Variants in NCKAP1L observed in about 807,000 individuals in gnomAD.
NCKAP1L encodes the protein NCK associated protein 1 like.
Under a neutral mutation model 139.2 loss-of-function variants are expected in NCKAP1L, and 53 were observed. The ratio of observed to expected loss-of-function variants is 0.38; its 90% CI spans 0.31 to 0.48. NCKAP1L has a LOEUF of 0.48. NCKAP1L is among the 20% of genes least tolerant of loss of function. The pLI is 0.98. For missense variants in NCKAP1L, 1,151 were observed against 1,381.9 expected (o/e 0.83, Z 2.65); for synonymous variants, 468 against 499.7 (o/e 0.94, Z 0.85).
intron 22 of NCKAP1L, 21 bp from the exon 23 acceptor site, chr12:54,531,239 G>A (rs527270306): frequency 1.9e-6 from 3 of 1,592,312 alleles, no homozygotes; most frequent in South Asian, 1.1e-5. Context: ...CCCATCTGGG[G>A]CCTCTGTAAC....
chr12:54,519,528 T>C (rs1289852754), intron 16 of NCKAP1L, among the ~76,000 whole-genome samples, 196 bp downstream of exon 16: 1 of 149,176 alleles, frequency 6.7e-6, no homozygotes. Context: ...CTCAGCCTCC[T>C]AAGTAGCTGG....
chr12:54,538,667 C>G (rs1015463803), intron 29 of NCKAP1L, among the ~76,000 whole-genome samples: 1 of 152,192 alleles, frequency 6.6e-6, no homozygotes, highest in African/African-American at 2.4e-5. Context: ...TCCTGGCAAC[C>G]TGTTGTCTGC....
chr12:54,499,576 T>C (rs1317231165), intron 2 of NCKAP1L, 111 bp downstream of exon 2: 5 of 640,650 alleles, frequency 7.8e-6, no homozygotes, highest in Non-Finnish European at 5.6e-6. Context: ...GAGTAGTCTT[T>C]TTTTATTAAT....
intron 3 of NCKAP1L, among the ~76,000 whole-genome samples, chr12:54,505,475 C>T (rs1321862671): frequency 6.6e-6 from 1 of 150,754 alleles, no homozygotes; most frequent in Non-Finnish European, 1.5e-5. Flanking sequence ...TCAGCCAATC[C>T]CTACCCTTCA....
chr12:54,541,989 T>A (rs971716855), intron 30 of NCKAP1L, among the ~76,000 whole-genome samples: 1 of 151,906 alleles, frequency 6.6e-6, no homozygotes, highest in Non-Finnish European at 1.5e-5. Flanking sequence ...TCTTGATCTA[T>A]CTTCCTGCTT....
intron 9 of NCKAP1L, 66 bp downstream of exon 9, chr12:54,512,171 C>T: frequency 6.5e-7 from 1 of 1,536,910 alleles, no homozygotes; most frequent in East Asian, 2.3e-5. Context: ...TATCCTTTTT[C>T]AGTCTCCACA....
chr12:54,546,168 G>T lies in NCKAP1L; in HGVS notation c.*3483G>T. The T allele has an allele frequency of 6.6e-6, 1 of 152,368 alleles. No individual in the cohort carries two copies. Among genetic ancestry groups the T allele is most frequent in the South Asian group, 2.1e-4 (1 of 4,836 alleles). 9.4% of individuals were successfully genotyped at this position (152,368 alleles called of 1,614,324 possible). On this transcript the variant is annotated 3_prime_UTR_variant, in exon 31 of 31. Coordinates refer to ENST00000293373, the MANE Select transcript of NCKAP1L (RefSeq NM_005337.5). ...GAGCTAAGGAGGTTAAGACCAGCCT[G>T]GTCAACATGGCGAACTCCGTCTCTA...
intron 3 of NCKAP1L, among the ~76,000 whole-genome samples, chr12:54,505,667 CT>C (rs60187117): frequency 1.0e-4 from 15 of 144,532 alleles, no homozygotes; most frequent in Admixed American, 1.4e-4. Flanking sequence ...CCCGTCCTCC[CT>C]TTTTTTTTTT....
intron 18 of NCKAP1L, among the ~76,000 whole-genome samples, chr12:54,522,285 CAGCCAAAAGGCTGAGAA>C (rs1956990235): frequency 6.6e-6 from 1 of 152,202 alleles, no homozygotes; most frequent in South Asian, 2.1e-4. Context: ...TGCTTAATCT[CAGCCAAAAGGCTGAGAA>C]AGCCAAGAAG....
intron 13 of NCKAP1L, 124 bp downstream of exon 13, chr12:54,518,062 T>C (rs1956948344): frequency 8.7e-7 from 1 of 1,145,586 alleles, no homozygotes; most frequent in Non-Finnish European, 1.3e-6. Context: ...CAATCTAGGC[T>C]GGGCGCGGTG....
At chr12:54,511,644 C>T (rs1956890638) in intron 7 of NCKAP1L, among the ~76,000 whole-genome samples, 159 bp from the exon 8 acceptor site, 1 of 152,218 alleles carries the variant, frequency 6.6e-6, no homozygotes, top group South Asian at 2.1e-4. Context: ...TGGCCTCAAG[C>T]TATCCTCCTG....
At chr12:54,505,844 T>A (rs1956835634) in intron 3 of NCKAP1L, among the ~76,000 whole-genome samples, 1 of 152,098 alleles carries the variant, frequency 6.6e-6, no homozygotes, top group Non-Finnish European at 1.5e-5. Flanking sequence ...GTATTTTTAG[T>A]AGAGACGGGG....
At position 54,528,243 on chromosome 12, in the gene NCKAP1L, G is replaced by A. The variant is rs1372350326; in HGVS notation, c.2376-4G>A. On this transcript the variant is annotated splice_polypyrimidine_tract_variant and splice_region_variant and intron_variant, in intron 21 of 30. Transcript: ENST00000293373. ...AATCTATGTTTTCTTGGCCAACCCTGTAGGTACCTGGAAAGTCTGCTTAGA... is the reference window on the plus strand; with the variant it reads ...AATCTATGTTTTCTTGGCCAACCCTATAGGTACCTGGAAAGTCTGCTTAGA... 9 of 1,613,592 alleles carry A rather than the reference G, an allele frequency of 5.6e-6. No individual in the cohort carries two copies. The highest frequency in any genetic ancestry group is 8.5e-7 in the Non-Finnish European group (1 of 1,179,700).
At chr12:54,498,213 A>T (rs1178101481) in intron 1 of NCKAP1L, among the ~76,000 whole-genome samples, 1 of 152,118 alleles carries the variant, frequency 6.6e-6, no homozygotes, top group Non-Finnish European at 1.5e-5. Context: ...CTGGGGTCCA[A>T]CCTTCTGGGT....
At chr12:54,517,511 A>G (rs772033599) in intron 11 of NCKAP1L, 22 bp from the exon 12 acceptor site, 1 of 1,531,112 alleles carries the variant, frequency 6.5e-7, no homozygotes, top group Admixed American at 1.7e-5. Flanking sequence ...GAAAATTCTA[A>G]TAGTCTCTAC....
In NCKAP1L at chr12:54,535,069, G is replaced by A. The variant is rs774935457; in HGVS notation, c.2863-35G>A. 19 of 1,569,666 alleles carry A rather than the reference G, an allele frequency of 1.2e-5. No homozygotes were observed. In the Admixed American group the frequency reaches 1.9e-4, roughly 16 times the overall value. On this transcript the variant is annotated intron_variant, in intron 26 of 30. Coordinates refer to ENST00000293373, the MANE Select transcript of NCKAP1L (RefSeq NM_005337.5). ...CTTCTGTCAAGCCATTGTGTCCTGC[G>A]AATCCTCTCTAGAATGTTATTTTCT...
rs755208451 is a variant in NCKAP1L at position 54,531,243 on chromosome 12, CTG to C, written c.2507-15_2507-14del. 2.4e-5 allele frequency: 38 copies of C among 1,610,128 alleles called. No individual in the cohort carries two copies. Among genetic ancestry groups the C allele is most frequent in the Non-Finnish European group, 3.1e-5 (37 of 1,176,430 alleles). ...GCCTTCTGAGTCCCATCTGGGGCCTCTGTAACTCTGTTCCAGAGATGCGGGCC... is the reference window on the plus strand; with the variant it reads ...GCCTTCTGAGTCCCATCTGGGGCCTCTAACTCTGTTCCAGAGATGCGGGCC... On this transcript the variant is annotated splice_polypyrimidine_tract_variant and intron_variant, in intron 22 of 30. Transcript: ENST00000293373.
chr12:54,531,667 G>T (rs1565681863), intron 24 of NCKAP1L, 76 bp from the exon 25 acceptor site: 2 of 1,600,040 alleles, frequency 1.2e-6, no homozygotes, highest in Non-Finnish European at 1.7e-6. Context: ...CTGGAGGCTA[G>T]GCGGGGTCTG....
At chr12:54,507,708 C>T in intron 3 of NCKAP1L, 145 bp from the exon 4 acceptor site, 1 of 735,412 alleles carries the variant, frequency 1.4e-6, no homozygotes, top group Middle Eastern at 2.6e-4. Context: ...GAGGAACTTC[C>T]TCCCTCTTTT....
Sources: gnomAD v4.1 joint callset for allele counts (sites outside exome capture counted in the v4.1 genomes callset) on GRCh38, gnomAD v4.1.1 for gene constraint, MANE v1.5 for transcripts, NCBI Gene and HGNC (gene_info 2026-07-23, HGNC 2026-07-21) for gene names.